Variants in OR2L13 observed in about 807,000 individuals in gnomAD.
OR2L13 encodes olfactory receptor 2L13.
OR2L13 carries 14 observed loss-of-function variants against 15.3 expected under a neutral mutation model. The ratio of observed to expected loss-of-function variants is 0.91; its 90% CI spans 0.60 to 1.43. The LOEUF (loss-of-function observed/expected upper bound fraction) is 1.43, where lower values mean the gene tolerates loss of function less well. OR2L13 is among the 40% of genes most tolerant of loss of function. The pLI is 0.00. For missense variants in OR2L13, 367 were observed against 387.9 expected, an observed-to-expected ratio of 0.95 and a Z score of 0.45; for synonymous variants, 152 against 142.9, an observed-to-expected ratio of 1.06 and a Z score of -0.45.
the OR2L13 span, chr1:248,038,521 T>C: frequency 1.3e-5 from 21 of 1,614,198 alleles, no homozygotes; most frequent in South Asian, 6.6e-5. Context: ...TATGATTTTC[T>C]GTATGGAAAC....
chr1:247,979,226 A>G, the OR2L13 span, among the ~76,000 whole-genome samples: 1 of 152,040 alleles, frequency 6.6e-6, no homozygotes, highest in Non-Finnish European at 1.5e-5. Context: ...GGTTTGTTAC[A>G]CATGTATACA....
chr1:248,011,105 A>G, the OR2L13 span, among the ~76,000 whole-genome samples: 1 of 151,902 alleles, frequency 6.6e-6, no homozygotes, highest in Non-Finnish European at 1.5e-5. Flanking sequence ...GTTTCATTCC[A>G]TGTTTAGTGC....
At chr1:247,994,241 C>CA in the OR2L13 span, among the ~76,000 whole-genome samples, 15 of 152,026 alleles carry the variant, frequency 9.9e-5, no homozygotes, top group African/African-American at 3.4e-4. Context: ...ACTAAAAATA[C>CA]AAAAAATTAG....
chr1:247,956,278 G>C, the OR2L13 span, among the ~76,000 whole-genome samples: 1 of 150,862 alleles, frequency 6.6e-6, no homozygotes, highest in Admixed American at 6.7e-5. Flanking sequence ...ATTTCTGAGG[G>C]CTCTCTTCTG....
the OR2L13 span, chr1:247,949,725 A>G: frequency 6.2e-7 from 1 of 1,613,896 alleles, no homozygotes; most frequent in Non-Finnish European, 8.5e-7. Context: ...CATCATCTAT[A>G]GCCTGAGGAA....
At chr1:248,039,046 G>A in the OR2L13 span, 124 of 1,613,846 alleles carry the variant, frequency 7.7e-5, no homozygotes, top group East Asian at 5.3e-4. Context: ...ACCTATGTAC[G>A]TCCAAGATCC....
At chr1:248,018,565 G>A in the OR2L13 span, among the ~76,000 whole-genome samples, 1 of 152,142 alleles carries the variant, frequency 6.6e-6, no homozygotes, top group African/African-American at 2.4e-5. Flanking sequence ...TCAGAAACTT[G>A]TAGGAATTTT....
At chr1:248,022,941 A>G in the OR2L13 span, 2 of 1,472,642 alleles carry the variant, frequency 1.4e-6, no homozygotes, top group South Asian at 1.3e-5. Context: ...TCAGCAGTGT[A>G]CAGCAGTGAA....
the OR2L13 span, among the ~76,000 whole-genome samples, chr1:248,078,864 A>C: frequency 6.6e-6 from 1 of 152,190 alleles, no homozygotes; most frequent in African/African-American, 2.4e-5. Flanking sequence ...AAAAAAAGAA[A>C]AGTTAATCTC....
the OR2L13 span, chr1:248,084,156 C>G: frequency 1.2e-6 from 2 of 1,606,970 alleles, no homozygotes; most frequent in Non-Finnish European, 1.7e-6. Context: ...ACCCAGGAGC[C>G]AGGACGACAT....
the OR2L13 span, chr1:248,003,394 C>G: frequency 7.2e-5 from 116 of 1,609,868 alleles, 1 homozygote; most frequent in Admixed American, 1.9e-3. Context: ...TGCATGGAAA[C>G]AAGTCTATCT....
chr1:248,029,693 C>T, the OR2L13 span, among the ~76,000 whole-genome samples: 4 of 152,080 alleles, frequency 2.6e-5, no homozygotes, highest in African/African-American at 9.7e-5. Flanking sequence ...TGGCTTAAAT[C>T]TTGTTGCCAA....
At chr1:248,020,405 A>T in the OR2L13 span, among the ~76,000 whole-genome samples, 1 of 152,174 alleles carries the variant, frequency 6.6e-6, no homozygotes, top group Admixed American at 6.5e-5. Flanking sequence ...AATTTACATA[A>T]ATCAGCAGTT....
At chr1:247,969,037 C>G in the OR2L13 span, among the ~76,000 whole-genome samples, 4 of 152,334 alleles carry the variant, frequency 2.6e-5, no homozygotes, top group East Asian at 7.7e-4. Context: ...GATCACCATT[C>G]TAACTGGCGT....
chr1:248,008,514 A>G, the OR2L13 span, among the ~76,000 whole-genome samples: 1 of 152,126 alleles, frequency 6.6e-6, no homozygotes, highest in East Asian at 1.9e-4. Context: ...GTGATCTCTC[A>G]TGTTTCTACA....
At chr1:248,020,950 A>C in the OR2L13 span, among the ~76,000 whole-genome samples, 2 of 151,900 alleles carry the variant, frequency 1.3e-5, no homozygotes, top group African/African-American at 4.8e-5. Context: ...AAGACAATTC[A>C]AGAAGGAAAT....
chr1:248,061,899 A>G, the OR2L13 span: 263,717 of 264,452 alleles, frequency 1, 131,496 homozygotes, highest in Middle Eastern at 1. Flanking sequence ...ATGCAGAAAT[A>G]GAAATGAAAT....
the OR2L13 span, among the ~76,000 whole-genome samples, chr1:248,028,708 T>C: frequency 1.1e-4 from 16 of 152,228 alleles, no homozygotes; most frequent in Non-Finnish European, 2.1e-4. Flanking sequence ...AGATCTGGGA[T>C]ATGTATTTCA....
chr1:248,079,938 C>T, the OR2L13 span, among the ~76,000 whole-genome samples: 3 of 152,268 alleles, frequency 2.0e-5, no homozygotes, highest in South Asian at 6.2e-4. Context: ...GCAAGCCACA[C>T]ATTGGAAGAT....
Sources: gnomAD v4.1 joint callset for allele counts (sites outside exome capture counted in the v4.1 genomes callset) on GRCh38, gnomAD v4.1.1 for gene constraint, MANE v1.5 for transcripts, NCBI Gene and HGNC (gene_info 2026-07-23, HGNC 2026-07-21) for gene names.